The following CADM4 variants were observed in gnomAD, a reference collection of about 807,000 sequenced individuals.
CADM4 encodes TSLC1-like 2.
Under a neutral mutation model 43.9 loss-of-function variants are expected in CADM4, and 13 were observed. The observed-to-expected ratio is 0.30, with a 90% CI of 0.19 to 0.47. The LOEUF (loss-of-function observed/expected upper bound fraction) is 0.47, where lower values mean the gene tolerates loss of function less well. Among genes scored for constraint, CADM4 ranks in the 20% least tolerant of loss-of-function variants. CADM4 has a pLI of 1.00. For synonymous variants in CADM4, 209 were observed against 220.9 expected, an observed-to-expected ratio of 0.95 and a Z score of 0.48; for missense variants, 420 against 527.0, an observed-to-expected ratio of 0.80 and a Z score of 1.99.
At position 43,626,938 on chromosome 19, in the gene CADM4, A is replaced by G; in HGVS notation, c.365-20T>C. 6.4e-7 allele frequency: 1 copy of G among 1,574,454 alleles called. No individual in the cohort carries two copies. Among genetic ancestry groups the G allele is most frequent in the South Asian group, 1.1e-5 (1 of 88,046 alleles). On this transcript the variant is annotated intron_variant, in intron 3 of 8. Coordinates refer to ENST00000222374, the MANE Select transcript of CADM4 (RefSeq NM_145296.2). This position sits in a 1 kb window ranked among gnomAD's most constrained non-coding sequence, Gnocchi z 5.9. The stretch of plus-strand genomic sequence containing the variant: ...GGGCCACTGCCGCAGGGAGAAGGGA[A>G]GTAAGGGGTTAAAGAAGGCACGAAC...
In CADM4 at chr19:43,626,845, G is replaced by A. The variant is rs766849536; in HGVS notation, c.438C>T (p.Leu146=). ...TGGCAGCCGGACGGGACCGCGGAAC[G>A]AGGCAGCTGAGCTCCACCTCGCCGC... The part of the protein sequence containing the change: ...VEGGEVELSC[L]VPRSRPAATL... Residue 146 remains leucine, a synonymous_variant, in exon 4 of 9, where the codon CTC becomes CTT. Coordinates refer to ENST00000222374, the MANE Select transcript of CADM4 (RefSeq NM_145296.2). This position sits in a 1 kb window ranked among gnomAD's most constrained non-coding sequence, Gnocchi z 5.9. 20 of 1,610,840 alleles carry A rather than the reference G, an allele frequency of 1.2e-5. No homozygotes were observed. The highest frequency in any genetic ancestry group is 4.5e-5 in the East Asian group (2 of 44,746).
Position 43,625,079 on chromosome 19 carries a change from G to A in CADM4, c.927C>T (p.Tyr309=), listed in dbSNP as rs778610911. ...CAGTCGGCCGCAGCCTGCTCTCACC[G>A]TAGACCACAAGTACGTAGAGCGCCC... ...HARALYVLVV[Y]DPGAVVEAQT... Residue 309 remains tyrosine (Y), a splice_region_variant and synonymous_variant, in exon 7 of 9, where the codon TAC becomes TAT. Coordinates refer to ENST00000222374, the MANE Select transcript of CADM4 (RefSeq NM_145296.2). This position sits in a 1 kb window ranked among gnomAD's most constrained non-coding sequence, Gnocchi z 4.5. The A allele has an allele frequency of 7.7e-6, 10 of 1,295,204 alleles. No homozygotes were observed. The highest frequency in any genetic ancestry group is 2.4e-5 in the South Asian group (2 of 84,916). The allele number at this position is 1,295,204 out of a possible 1,614,324, so 80.2% of individuals were successfully genotyped here. A position where few individuals can be genotyped will look rare whatever the true frequency, so the allele number is the denominator to read the frequency against.
intron 1 of CADM4, among the ~76,000 whole-genome samples, chr19:43,631,540 T>C (rs1332205286): frequency 4.6e-5 from 7 of 152,146 alleles, no homozygotes; most frequent in African/African-American, 1.4e-4. Context: ...TATTTTATGG[T>C]TGCACTATGT....
Position 43,633,664 on chromosome 19 carries a change from C to CTTTCTCTT in CADM4, c.65-5875_65-5874insAAGAGAAA, listed in dbSNP as rs1568543557. 3.1e-3 allele frequency among the ~76,000 whole-genome samples: 463 copies of CTTTCTCTT among 148,456 alleles called. 6 individuals carry two copies. The highest frequency in any genetic ancestry group is 0.028 in the Admixed American group (412 of 14,818). The stretch of plus-strand genomic sequence containing the variant: ...CTTTTTTCTTTCTCTCTTTCTCTCT[C>CTTTCTCTT]TCTTTCTTTCTCTTTCTTTCTTTTT... On this transcript the variant is annotated intron_variant, in intron 1 of 8. Coordinates refer to ENST00000222374, the MANE Select transcript of CADM4 (RefSeq NM_145296.2).
Position 43,626,260 on chromosome 19 carries a change from C to T in CADM4, c.528G>A (p.Lys176=). 6.2e-7 allele frequency: 1 copy of T among 1,612,600 alleles called. No individual in the cohort carries two copies. Among genetic ancestry groups the T allele is most frequent in the East Asian group, 2.2e-5 (1 of 44,870 alleles). ...KGVSSSQENG[K]VWSVASTVRF... is the part of the protein sequence containing the mutation. ...GTACTGTGCTTGCCACGCTCCAGAC[C>T]TTGCCATTTTCCTGGCTGCTGCTCA... Residue 176 remains lysine, a synonymous_variant, in exon 5 of 9, where the codon AAG becomes AAA. Coordinates refer to ENST00000222374, the MANE Select transcript of CADM4 (RefSeq NM_145296.2). This position sits in a 1 kb window ranked among gnomAD's most constrained non-coding sequence, Gnocchi z 5.9.
chr19:43,634,912 TC>T (rs1011299904), intron 1 of CADM4, among the ~76,000 whole-genome samples: 20 of 150,950 alleles, frequency 1.3e-4, no homozygotes, highest in African/African-American at 4.9e-4. Context: ...CCCAACCACC[TC>T]CTCTCTCAGG....
In CADM4 at chr19:43,625,114, C is replaced by G; in HGVS notation, c.892G>C (p.Gly298Arg). Reference sequence around the variant, plus strand: ...AGTACGTAGAGCGCCCTCGCATGGCCGTGCTTATTGGACGCCTCGCAAGTG... The same window carrying G: ...AGTACGTAGAGCGCCCTCGCATGGCGGTGCTTATTGGACGCCTCGCAAGTG... ...TYTCEASNKHGHARALYVLVV... is the reference protein window; with the variant it reads ...TYTCEASNKHRHARALYVLVV... Residue 298 changes from glycine to arginine, a missense_variant, in exon 7 of 9, where the codon GGC (glycine) becomes CGC (arginine). Transcript: ENST00000222374. The surrounding 1 kb of genome is among the most constrained non-coding windows in gnomAD (Gnocchi z 4.5). 1 of 1,613,598 alleles carries G rather than the reference C, an allele frequency of 6.2e-7. No homozygotes were observed. Among genetic ancestry groups the G allele is most frequent in the Non-Finnish European group, 8.5e-7 (1 of 1,179,780 alleles).
chr19:43,638,624 C>T (rs1009291352), intron 1 of CADM4, among the ~76,000 whole-genome samples: 6 of 152,340 alleles, frequency 3.9e-5, no homozygotes, highest in Admixed American at 1.3e-4. Flanking sequence ...CACCCAACCT[C>T]GGGGGTCTCC....
chr19:43,632,655 C>T (rs1309928649), intron 1 of CADM4, among the ~76,000 whole-genome samples: 1 of 152,076 alleles, frequency 6.6e-6, no homozygotes, highest in South Asian at 2.1e-4. Context: ...ATGTTCTTCT[C>T]CCCACCTCCC....
chr19:43,627,218 G>GTGGT lies in CADM4; in HGVS notation c.311_312insACCA (p.Cys104Ter). 1 of 1,612,444 alleles carries GTGGT rather than the reference G, an allele frequency of 6.2e-7. No individual in the cohort carries two copies. The highest frequency in any genetic ancestry group is 8.5e-7 in the Non-Finnish European group (1 of 1,179,126). On this transcript the variant is annotated stop_gained and frameshift_variant, in exon 3 of 9. Coordinates refer to ENST00000222374, the MANE Select transcript of CADM4 (RefSeq NM_145296.2). LOFTEE classifies it high-confidence loss of function. The surrounding 1 kb of genome is among the most constrained non-coding windows in gnomAD (Gnocchi z 4.0). ...GGTGGGTGTCTTCTGTGTAGAGCTG[G>GTGGT]CAGAAATAGCCCCCCTCGTCCTCCA...
intron 1 of CADM4, among the ~76,000 whole-genome samples, chr19:43,633,664 C>CTCTTTCTTTCTTTT: frequency 6.7e-6 from 1 of 148,458 alleles, no homozygotes; most frequent in South Asian, 2.2e-4. Context: ...CTTTCTCTCT[C>CTCTTTCTTTCTTTT]TCTTTCTTTC....
chr19:43,637,019 TC>T (rs1243247231), intron 1 of CADM4, among the ~76,000 whole-genome samples: 40 of 152,240 alleles, frequency 2.6e-4, no homozygotes, highest in African/African-American at 9.6e-4. Context: ...CTGTTTCCTC[TC>T]CTCCTTTCTG....
chr19:43,629,572 T>TA (rs1329314198), intron 1 of CADM4, among the ~76,000 whole-genome samples: 4 of 152,184 alleles, frequency 2.6e-5, no homozygotes, highest in African/African-American at 9.7e-5. Flanking sequence ...CCATATAACT[T>TA]ACCTTTAATC....
chr19:43,631,024 A>C (rs1234600849), intron 1 of CADM4, among the ~76,000 whole-genome samples: 1 of 152,128 alleles, frequency 6.6e-6, no homozygotes, highest in Non-Finnish European at 1.5e-5. Flanking sequence ...ATTTATGGGA[A>C]GGTAGGAACC....
Position 43,627,260 on chromosome 19 carries a change from C to A in CADM4, c.270G>T (p.Arg90=), listed in dbSNP as rs1208121239. The change falls in exon 3 of 9, where the codon CGG becomes CGT. Residue 90 remains arginine (R), a synonymous_variant. Coordinates refer to ENST00000222374, the MANE Select transcript of CADM4 (RefSeq NM_145296.2). This position sits in a 1 kb window ranked among gnomAD's most constrained non-coding sequence, Gnocchi z 4.0. Reference sequence around the variant, plus strand: ...CGTCCTCCAGGCGGGCATCTGAGAGCCGGATCCGCACCCGGCGTGGGGAGA... The same window carrying A: ...CGTCCTCCAGGCGGGCATCTGAGAGACGGATCCGCACCCGGCGTGGGGAGA... ...EEFSPRRVRI[R]LSDARLEDEG... is the part of the protein sequence containing the mutation. 6.2e-7 allele frequency: 1 copy of A among 1,612,454 alleles called. No individual in the cohort carries two copies.
Position 43,623,200 on chromosome 19 carries a change from T to C in CADM4, c.*130A>G. The C allele has an allele frequency of 1.4e-6, 1 of 715,048 alleles. No individual in the cohort carries two copies. Among genetic ancestry groups the C allele is most frequent in the South Asian group, 1.5e-5 (1 of 65,878 alleles). The allele number at this position is 715,048 out of a possible 1,614,324, so 44.3% of individuals were successfully genotyped here. ...ACACCCCCATCCCTGCCCAAGCGTC[T>C]GAGGTGTTAGTGGTGGGGGGAGAAG... On this transcript the variant is annotated 3_prime_UTR_variant, in exon 9 of 9. Transcript: ENST00000222374. The surrounding 1 kb of genome is among the most constrained non-coding windows in gnomAD (Gnocchi z 4.4).
At chr19:43,624,349 T>G in intron 7 of CADM4, 107 bp from the exon 8 acceptor site, 1 of 1,397,190 alleles carries the variant, frequency 7.2e-7, no homozygotes, top group Non-Finnish European at 9.8e-7. Flanking sequence ...ACCGTGCCCT[T>G]TTATGTGCCA....
chr19:43,623,041 C>T lies in CADM4; in HGVS notation c.*289G>A, dbSNP rs887706181. The T allele has an allele frequency of 8.7e-5, 20 of 229,348 alleles. No individual in the cohort carries two copies. The highest frequency in any genetic ancestry group is 1.4e-4 in the Non-Finnish European group (17 of 117,556). The allele number at this position is 229,348 out of a possible 1,614,324, so 14.2% of individuals were successfully genotyped here. A position where few individuals can be genotyped will look rare whatever the true frequency, so the allele number is the denominator to read the frequency against. The stretch of plus-strand genomic sequence containing the variant: ...GTAGCCTAGGGGCCCTGGCCTTCCC[C>T]CAGTTATCTTCCCCCAACCCAATCC... On this transcript the variant is annotated 3_prime_UTR_variant, in exon 9 of 9. Transcript: ENST00000222374. The surrounding 1 kb of genome is among the most constrained non-coding windows in gnomAD (Gnocchi z 4.4).
intron 1 of CADM4, among the ~76,000 whole-genome samples, chr19:43,630,860 T>C (rs896682369): frequency 2.0e-5 from 3 of 152,194 alleles, no homozygotes; most frequent in Non-Finnish European, 4.4e-5. Context: ...CATGATTAGA[T>C]CTGGCTATTT....
Sources: gnomAD v4.1 joint callset for allele counts (sites outside exome capture counted in the v4.1 genomes callset) on GRCh38, gnomAD v4.1.1 for gene constraint, Gnocchi (gnomAD v3.1) non-coding constraint, MANE v1.5 for transcripts, NCBI Gene and HGNC (gene_info 2026-07-23, HGNC 2026-07-21) for gene names.